Variants in IFT122 observed in about 807,000 individuals in gnomAD.
The protein encoded by IFT122 is intraflagellar transport protein 122 homolog.
IFT122 carries 118 observed loss-of-function variants against 161.6 expected under a neutral mutation model. The ratio of observed to expected loss-of-function variants is 0.73; its 90% CI spans 0.63 to 0.85. The LOEUF (loss-of-function observed/expected upper bound fraction) is 0.85. IFT122 is among the 40% of genes least tolerant of loss of function. The probability of loss-of-function intolerance (pLI) is 0.00; values close to 1 mark genes in which losing one functional copy is unlikely to be tolerated. For missense variants in IFT122, 1,381 were observed against 1,579.6 expected, an observed-to-expected ratio of 0.87 and a Z score of 2.13; for synonymous variants, 550 against 602.4, an observed-to-expected ratio of 0.91 and a Z score of 1.27.
intron 9 of IFT122, among the ~76,000 whole-genome samples, chr3:129,469,636 A>G (rs1039833840): frequency 4.6e-5 from 7 of 152,226 alleles, no homozygotes; most frequent in African/African-American, 1.7e-4. Context: ...AACTTTTTAG[A>G]AATGAGTAAA....
chr3:129,486,891 G>A (rs535449504), intron 15 of IFT122, among the ~76,000 whole-genome samples: 12 of 152,314 alleles, frequency 7.9e-5, no homozygotes, highest in Admixed American at 4.6e-4. Flanking sequence ...CACCTGCTCC[G>A]TAGCCTATGC....
intron 13 of IFT122, chr3:129,481,265 G>A (rs1024462875): frequency 9.0e-6 from 4 of 445,604 alleles, no homozygotes; most frequent in East Asian, 4.7e-5. Context: ...TCCCCAGTCC[G>A]AACAGACACT....
chr3:129,492,809 T>C (rs1358011984), intron 17 of IFT122, among the ~76,000 whole-genome samples: 1 of 148,006 alleles, frequency 6.8e-6, no homozygotes, highest in African/African-American at 2.6e-5. Context: ...CACTATGCTT[T>C]TTTTTTCTTT....
At chr3:129,457,648 A>G (rs1577314748) in intron 3 of IFT122, among the ~76,000 whole-genome samples, 2 of 152,314 alleles carry the variant, frequency 1.3e-5, no homozygotes, top group East Asian at 1.9e-4. Flanking sequence ...CAGTCAGACA[A>G]AAGGAGTACA....
At chr3:129,477,920 G>T in intron 11 of IFT122, 96 bp from the exon 12 acceptor site, 1 of 975,828 alleles carries the variant, frequency 1.0e-6, no homozygotes, top group South Asian at 1.3e-5. Flanking sequence ...CACTTTAATT[G>T]CCAGTAGCGC....
intron 1 of IFT122, among the ~76,000 whole-genome samples, chr3:129,443,261 C>A (rs1240500289): frequency 6.6e-6 from 1 of 152,184 alleles, no homozygotes; most frequent in Non-Finnish European, 1.5e-5. Context: ...TGGAGAGGCA[C>A]TGTGGGACAT....
intron 7 of IFT122, among the ~76,000 whole-genome samples, chr3:129,466,253 T>G (rs2076760541): frequency 6.6e-6 from 1 of 152,152 alleles, no homozygotes; most frequent in Admixed American, 6.5e-5. Flanking sequence ...GAAGGTTGTT[T>G]GGAAGGTTAT....
chr3:129,444,755 C>T (rs375996311), intron 1 of IFT122, among the ~76,000 whole-genome samples: 2 of 152,092 alleles, frequency 1.3e-5, no homozygotes, highest in African/African-American at 4.8e-5. Flanking sequence ...CTCTTGACCT[C>T]GTGATCTGCC....
chr3:129,450,291 A>G (rs904821908), intron 2 of IFT122, among the ~76,000 whole-genome samples: 1 of 152,204 alleles, frequency 6.6e-6, no homozygotes, highest in Non-Finnish European at 1.5e-5. Flanking sequence ...TGCTGTGTCC[A>G]TGAAAAGTCA....
chr3:129,445,417 T>G (rs923292962), intron 1 of IFT122, among the ~76,000 whole-genome samples: 2 of 152,218 alleles, frequency 1.3e-5, no homozygotes, highest in Admixed American at 6.5e-5. Context: ...TTCAGGCAAG[T>G]TATTTAACTT....
At chr3:129,448,187 G>A (rs1411617881) in intron 1 of IFT122, among the ~76,000 whole-genome samples, 3 of 152,134 alleles carry the variant, frequency 2.0e-5, no homozygotes, top group Admixed American at 6.5e-5. Context: ...GTAAATATCC[G>A]AGATTTGTTG....
chr3:129,478,453 A>T (rs1403017192), intron 12 of IFT122, among the ~76,000 whole-genome samples: 2 of 149,910 alleles, frequency 1.3e-5, no homozygotes, highest in East Asian at 1.9e-4. Flanking sequence ...ATTATTTTTT[A>T]AAAAATATTT....
At chr3:129,468,586 C>T (rs1018572517) in intron 8 of IFT122, among the ~76,000 whole-genome samples, 1 of 152,172 alleles carries the variant, frequency 6.6e-6, no homozygotes, top group Non-Finnish European at 1.5e-5. Context: ...TCAGGTGATC[C>T]ACCTGCCTCA....
chr3:129,488,761 C>T (rs1440785873), intron 16 of IFT122, among the ~76,000 whole-genome samples: 3 of 152,020 alleles, frequency 2.0e-5, no homozygotes, highest in Middle Eastern at 3.4e-3. Flanking sequence ...ACAGGCACTC[C>T]GTAAATGGCG....
intron 25 of IFT122, chr3:129,514,797 C>A (rs190441762): frequency 6.6e-6 from 4 of 608,672 alleles, no homozygotes; most frequent in African/African-American, 5.5e-5. Flanking sequence ...CTCAGCCTGG[C>A]CTCCCTTGCT....
intron 18 of IFT122, among the ~76,000 whole-genome samples, chr3:129,499,335 G>T (rs1188113853): frequency 6.6e-6 from 1 of 152,170 alleles, no homozygotes; most frequent in East Asian, 1.9e-4. Flanking sequence ...CTCAGAGAGG[G>T]CATGGAGGGC....
At chr3:129,440,581 G>A (rs766058575) in intron 1 of IFT122, among the ~76,000 whole-genome samples, 2 of 152,196 alleles carry the variant, frequency 1.3e-5, no homozygotes, top group Non-Finnish European at 2.9e-5. Flanking sequence ...GAGGTGCCGC[G>A]CCTGAGGTGG....
intron 1 of IFT122, among the ~76,000 whole-genome samples, chr3:129,440,735 C>T (rs1012379742): frequency 4.6e-5 from 7 of 152,208 alleles, no homozygotes; most frequent in Admixed American, 2.0e-4. Flanking sequence ...GTTTTCTTGA[C>T]GTTTTTCTCT....
rs1385163000 is a variant in IFT122 at position 129,517,429 on chromosome 3, AG to A, written c.3266-38del. ...CCTGCCTGGCGGCAAGTCCTTTGCA[AG>A]GCCTCCAGCCCCCTCAGCCCTTTCT... On this transcript the variant is annotated intron_variant, in intron 26 of 29. Coordinates refer to ENST00000348417, the MANE Select transcript of IFT122 (RefSeq NM_052989.3). 16 of 1,610,170 alleles carry A rather than the reference AG, an allele frequency of 9.9e-6. No individual in the cohort carries two copies. The Middle Eastern group carries it at 9.9e-4, about 100-fold the overall frequency.
Sources: allele counts gnomAD v4.1 joint callset (sites outside exome capture counted in the v4.1 genomes callset), GRCh38; gene constraint gnomAD v4.1.1; transcripts MANE v1.5; gene names NCBI Gene and HGNC (gene_info 2026-07-23, HGNC 2026-07-21).